RBFOX1: variants seen among roughly 807,000 people sequenced by gnomAD.
RBFOX1 encodes RNA binding fox-1 homolog 1.
RBFOX1 carries 8 observed loss-of-function variants against 57.7 expected under a neutral mutation model. That is an observed-to-expected ratio of 0.14 (90% CI 0.08 to 0.25). The LOEUF is 0.25. Among genes scored for constraint, RBFOX1 ranks in the 10% least tolerant of loss-of-function variants. The probability of loss-of-function intolerance (pLI) is 1.00; values close to 1 mark genes in which losing one functional copy is unlikely to be tolerated. For missense variants in RBFOX1, 611 were observed against 548.5 expected (o/e 1.11, Z -1.14); for synonymous variants, 326 against 222.4 (o/e 1.47, Z -4.15).
At chr16:5,740,459 A>T (rs548392272) in intron 3 of RBFOX1, among the ~76,000 whole-genome samples, 1 of 152,346 alleles carries the variant, frequency 6.6e-6, no homozygotes, top group South Asian at 2.1e-4. Flanking sequence ...TGTGTGAATT[A>T]TCTCACTTAA....
At chr16:5,546,380 G>A (rs1203608745) in intron 2 of RBFOX1, among the ~76,000 whole-genome samples, 2 of 152,094 alleles carry the variant, frequency 1.3e-5, no homozygotes, top group Non-Finnish European at 2.9e-5. Flanking sequence ...CTTTGAAGAA[G>A]AACAAAGTTA....
chr16:5,986,845 G>T (rs2060296070), intron 4 of RBFOX1, among the ~76,000 whole-genome samples: 1 of 152,190 alleles, frequency 6.6e-6, no homozygotes, highest in African/African-American at 2.4e-5. Context: ...GGTGTACAGG[G>T]TGTTGTGTGA....
chr16:6,557,114 CAT>C (rs1438471878), intron 2 of RBFOX1, among the ~76,000 whole-genome samples: 2 of 140,486 alleles, frequency 1.4e-5, no homozygotes, highest in Non-Finnish European at 3.1e-5. Flanking sequence ...TACATATATA[CAT>C]ATATACATAC....
At chr16:7,485,343 T>C (rs1476284872) in intron 4 of RBFOX1, among the ~76,000 whole-genome samples, 2 of 152,260 alleles carry the variant, frequency 1.3e-5, no homozygotes, top group African/African-American at 2.4e-5. Context: ...CTGTTGCTTA[T>C]ACATTTCTGG....
At chr16:5,744,489 A>T (rs914951396) in intron 3 of RBFOX1, among the ~76,000 whole-genome samples, 1 of 152,194 alleles carries the variant, frequency 6.6e-6, no homozygotes, top group Non-Finnish European at 1.5e-5. Context: ...ATATGGCATC[A>T]TCGGTCATTG....
chr16:6,195,103 A>G (rs2097171197), intron 1 of RBFOX1, among the ~76,000 whole-genome samples: 1 of 152,166 alleles, frequency 6.6e-6, no homozygotes, highest in Non-Finnish European at 1.5e-5. Flanking sequence ...AGTTTTGCAA[A>G]ATGCTGATGT....
intron 4 of RBFOX1, among the ~76,000 whole-genome samples, chr16:7,227,771 C>T (rs946372156): frequency 6.6e-6 from 1 of 152,314 alleles, no homozygotes; most frequent in African/African-American, 2.4e-5. Context: ...TCTCTCCCTT[C>T]CTGTGGCAGA....
chr16:6,047,319 TCCTGGGCAGGATGC>T (rs2095505430), intron 1 of RBFOX1, among the ~76,000 whole-genome samples: 1 of 152,200 alleles, frequency 6.6e-6, no homozygotes, highest in African/African-American at 2.4e-5. Flanking sequence ...CAAGTCTGAT[TCCTGGGCAGGATGC>T]CGTGCATGAG....
chr16:5,886,933 A>G (rs892653609), intron 4 of RBFOX1, among the ~76,000 whole-genome samples: 1 of 152,156 alleles, frequency 6.6e-6, no homozygotes, highest in African/African-American at 2.4e-5. Context: ...TCCTATGACC[A>G]GTCATTCCCT....
At chr16:5,323,399 C>T (rs998190787) in intron 1 of RBFOX1, among the ~76,000 whole-genome samples, 2 of 152,172 alleles carry the variant, frequency 1.3e-5, no homozygotes, top group Admixed American at 6.5e-5. Context: ...GGTCGTGACC[C>T]GCAGTTCGAA....
At chr16:7,190,571 G>C (rs964884245) in intron 4 of RBFOX1, among the ~76,000 whole-genome samples, 3 of 151,942 alleles carry the variant, frequency 2.0e-5, no homozygotes, top group Non-Finnish European at 4.4e-5. Context: ...AGGGAAAGTA[G>C]AGGAGGTTGC....
chr16:7,035,654 G>A (rs2044192259), intron 3 of RBFOX1, among the ~76,000 whole-genome samples: 1 of 152,072 alleles, frequency 6.6e-6, no homozygotes, highest in Non-Finnish European at 1.5e-5. Context: ...ATTACTTCCA[G>A]TGTCTAATTA....
At chr16:6,713,722 C>A (rs923065378) in intron 3 of RBFOX1, among the ~76,000 whole-genome samples, 1 of 152,198 alleles carries the variant, frequency 6.6e-6, no homozygotes, top group Admixed American at 6.5e-5. Context: ...CTCTTCCTCT[C>A]TCTTTCCACA....
At chr16:6,314,772 G>A (rs1230881137) in intron 1 of RBFOX1, among the ~76,000 whole-genome samples, 2 of 152,190 alleles carry the variant, frequency 1.3e-5, no homozygotes, top group East Asian at 3.8e-4. Context: ...TAGGGATTCA[G>A]TGAAACTACA....
intron 4 of RBFOX1, among the ~76,000 whole-genome samples, chr16:7,221,252 C>T (rs561094337): frequency 6.6e-6 from 1 of 152,264 alleles, no homozygotes; most frequent in South Asian, 2.1e-4. Context: ...ATAAGGGCTT[C>T]ATAGCCACAA....
At chr16:6,211,453 C>T (rs559896669) in intron 1 of RBFOX1, among the ~76,000 whole-genome samples, 4 of 152,188 alleles carry the variant, frequency 2.6e-5, no homozygotes, top group Admixed American at 6.5e-5. Flanking sequence ...TGGTCTTGAT[C>T]TCCTGACCAC....
intron 3 of RBFOX1, among the ~76,000 whole-genome samples, chr16:7,024,713 C>G (rs1047232432): frequency 6.6e-6 from 1 of 152,206 alleles, no homozygotes; most frequent in Non-Finnish European, 1.5e-5. Context: ...TTCCTCAGCA[C>G]TCTGTCCTGC....
At chr16:7,102,057 C>G (rs1224943153) in intron 4 of RBFOX1, among the ~76,000 whole-genome samples, 1 of 152,118 alleles carries the variant, frequency 6.6e-6, no homozygotes, top group Admixed American at 6.5e-5. Flanking sequence ...CTGGGCTGGC[C>G]CCACCCAGAG....
At chr16:5,696,546 A>C (rs541317098) in intron 3 of RBFOX1, among the ~76,000 whole-genome samples, 16 of 152,344 alleles carry the variant, frequency 1.1e-4, no homozygotes, top group African/African-American at 3.8e-4. Flanking sequence ...TGCGTTTTCA[A>C]ATTTACCGCA....
Sources: allele counts gnomAD v4.1 joint callset (sites outside exome capture counted in the v4.1 genomes callset), GRCh38; gene constraint gnomAD v4.1.1; transcripts MANE v1.5; gene names NCBI Gene and HGNC (gene_info 2026-07-23, HGNC 2026-07-21).